Variants in FAAH2 observed in about 807,000 individuals in gnomAD.
The protein encoded by FAAH2 is fatty acid amide hydrolase 2.
A neutral mutation model predicts 36.9 loss-of-function variants in FAAH2; 60 were observed. The observed-to-expected ratio is 1.63, with a 90% CI of 1.32 to 2.02. The LOEUF (loss-of-function observed/expected upper bound fraction) is 2.02. Among genes scored for constraint, FAAH2 ranks in the 30% most tolerant of loss-of-function variants. The probability of loss-of-function intolerance (pLI) is 0.00; values close to 1 mark genes in which losing one functional copy is unlikely to be tolerated. For missense variants in FAAH2, 689 were observed against 397.5 expected, an observed-to-expected ratio of 1.73 and a Z score of -6.23; for synonymous variants, 214 against 143.8, an observed-to-expected ratio of 1.49 and a Z score of -3.49.
At chrX:57,205,592 C>G in the FAAH2 span, among the ~76,000 whole-genome samples, 2 of 111,994 alleles carry the variant, frequency 1.8e-5, no homozygotes, top group Admixed American at 1.9e-4. Flanking sequence ...CAGGTACAAG[C>G]TCTGCTTTTT....
chrX:57,392,335 G>C (rs715099), intron 7 of FAAH2, among the ~76,000 whole-genome samples: 59,701 of 110,493 alleles, frequency 0.54, 14,368 homozygotes, highest in Non-Finnish European at 0.75. Flanking sequence ...AGTGGTGAGA[G>C]TGGAGATCCT....
At chrX:57,177,577 A>AATATATATATATAT in the FAAH2 span, among the ~76,000 whole-genome samples, 1 of 34,798 alleles carries the variant, frequency 2.9e-5, no homozygotes, top group African/African-American at 8.6e-5. Context: ...TCAAAATTTA[A>AATATATATATATAT]ATATATATAT....
intron 10 of FAAH2, among the ~76,000 whole-genome samples, chrX:57,464,186 C>G (rs1469362735): frequency 9.0e-6 from 1 of 111,295 alleles, no homozygotes; most frequent in Non-Finnish European, 1.9e-5. Flanking sequence ...TGTTTTTACT[C>G]AAAAGCGGGA....
At chrX:57,148,338 T>C in the FAAH2 span, among the ~76,000 whole-genome samples, 1 of 111,938 alleles carries the variant, frequency 8.9e-6, no homozygotes, top group Non-Finnish European at 1.9e-5. Flanking sequence ...ATTGAATCTA[T>C]AAATTACCTT....
chrX:57,440,064 A>T (rs1489953445), intron 8 of FAAH2, among the ~76,000 whole-genome samples: 1 of 111,805 alleles, frequency 8.9e-6, no homozygotes, highest in Non-Finnish European at 1.9e-5. Flanking sequence ...CTTTTGGCTT[A>T]GGATTGACTT....
At chrX:57,271,878 G>A in the FAAH2 span, among the ~76,000 whole-genome samples, 1 of 110,513 alleles carries the variant, frequency 9.0e-6, no homozygotes, top group East Asian at 2.9e-4. Flanking sequence ...CACCAGCAAG[G>A]GAACAAAACT....
chrX:57,291,472 T>C (rs1442452390), intron 1 of FAAH2, among the ~76,000 whole-genome samples: 1 of 112,340 alleles, frequency 8.9e-6, no homozygotes, highest in Non-Finnish European at 1.9e-5. Context: ...TTGTTCCAGA[T>C]GAATTTCATA....
At position 57,448,100 on chromosome X, in the gene FAAH2, C is replaced by T. The variant is rs2056716447; in HGVS notation, c.1229-424C>T. On this transcript the variant is annotated intron_variant, in intron 9 of 10. Coordinates refer to ENST00000374900, the MANE Select transcript of FAAH2 (RefSeq NM_174912.4). ...GACCTCCTGGGCTAAAGCAATCCTC[C>T]TGCCTCAACTCCTAAGTTGCTGGGA... Among the ~76,000 whole-genome samples the T allele has an allele frequency of 4.5e-5, 5 of 111,434 alleles. No individual in the cohort carries two copies. In the Admixed American group the frequency reaches 4.8e-4, roughly 11 times the overall value.
chrX:57,166,081 G>A, the FAAH2 span, among the ~76,000 whole-genome samples: 2 of 110,469 alleles, frequency 1.8e-5, no homozygotes, highest in African/African-American at 6.6e-5. Context: ...AGCAACCACC[G>A]ACAGGCCATC....
At chrX:57,324,354 T>C (rs1172647968) in intron 3 of FAAH2, among the ~76,000 whole-genome samples, 1 of 112,120 alleles carries the variant, frequency 8.9e-6, no homozygotes. Flanking sequence ...AACTTTAAAG[T>C]AGTTTTTTCC....
At chrX:57,184,029 G>A in the FAAH2 span, among the ~76,000 whole-genome samples, 4 of 110,770 alleles carry the variant, frequency 3.6e-5, no homozygotes, top group Non-Finnish European at 7.6e-5. Context: ...TACTAGGGTG[G>A]GGGAAAACTA....
intron 7 of FAAH2, among the ~76,000 whole-genome samples, chrX:57,431,558 C>A (rs1025240442): frequency 7.2e-5 from 8 of 110,954 alleles, no homozygotes; most frequent in East Asian, 2.8e-4. Flanking sequence ...CATTCATATT[C>A]TTTCATTCCA....
At chrX:57,408,679 G>T (rs73626270) in intron 7 of FAAH2, among the ~76,000 whole-genome samples, 1,550 of 110,857 alleles carry the variant, frequency 0.014, 20 homozygotes, top group African/African-American at 0.048. Context: ...TCACCATTGA[G>T]TCTGATGTTA....
the FAAH2 span, among the ~76,000 whole-genome samples, chrX:57,128,930 G>C: frequency 9.0e-6 from 1 of 111,606 alleles, no homozygotes; most frequent in African/African-American, 3.2e-5. Flanking sequence ...CAAGGTTATG[G>C]GGTAGAAGGA....
At chrX:57,308,856 A>G (rs1002508904) in intron 2 of FAAH2, among the ~76,000 whole-genome samples, 46 of 111,659 alleles carry the variant, frequency 4.1e-4, no homozygotes, top group African/African-American at 1.5e-3. Flanking sequence ...TCCCCAATTT[A>G]CAATTGAAGC....
the FAAH2 span, among the ~76,000 whole-genome samples, chrX:57,146,913 G>T: frequency 1.8e-5 from 2 of 111,720 alleles, no homozygotes; most frequent in Non-Finnish European, 3.8e-5. Context: ...CTAGTATGAA[G>T]CCCACTTGAT....
rs2057520459 is a variant in FAAH2 at position 57,488,824 on chromosome X, T to C, written c.1491T>C (p.Pro497=). 2 of 1,211,332 alleles carry C rather than the reference T, an allele frequency of 1.7e-6. No individual in the cohort carries two copies. Among genetic ancestry groups the C allele is most frequent in the East Asian group, 5.9e-5 (2 of 33,764 alleles). ...CPLGLNAKGL[P]LGIQVVAGPF... Reference sequence around the variant, plus strand: ...TGGGACTGAATGCCAAAGGACTCCCTTTAGGCATCCAGGTTGTGGCTGGAC... The same window carrying C: ...TGGGACTGAATGCCAAAGGACTCCCCTTAGGCATCCAGGTTGTGGCTGGAC... Residue 497 remains proline, a synonymous_variant, in exon 11 of 11, where the codon CCT becomes CCC. Coordinates refer to ENST00000374900, the MANE Select transcript of FAAH2 (RefSeq NM_174912.4).
chrX:57,357,150 G>T (rs895382581), intron 5 of FAAH2, among the ~76,000 whole-genome samples: 2 of 111,312 alleles, frequency 1.8e-5, no homozygotes, highest in Admixed American at 1.9e-4. Flanking sequence ...ACTGAAACTG[G>T]ACCCCTTCCT....
chrX:57,353,259 A>G (rs968186711), intron 5 of FAAH2, among the ~76,000 whole-genome samples: 2 of 109,838 alleles, frequency 1.8e-5, no homozygotes, highest in African/African-American at 6.6e-5. Context: ...GCATAGGTCA[A>G]TGGTACAGAA....
Sources: allele counts gnomAD v4.1 joint callset (sites outside exome capture counted in the v4.1 genomes callset), GRCh38; gene constraint gnomAD v4.1.1; transcripts MANE v1.5; gene names NCBI Gene and HGNC (gene_info 2026-07-23, HGNC 2026-07-21).